The following VTCN1 variants were observed in gnomAD, a reference collection of about 807,000 sequenced individuals.
The protein encoded by VTCN1 is V-set domain-containing T-cell activation inhibitor 1.
Under a neutral mutation model 26.5 loss-of-function variants are expected in VTCN1, and 26 were observed. The ratio of observed to expected loss-of-function variants is 0.98; its 90% CI spans 0.72 to 1.36. The LOEUF is 1.36. Among genes scored for constraint, VTCN1 ranks in the 40% most tolerant of loss-of-function variants. The pLI, the probability that VTCN1 is intolerant of heterozygous loss-of-function variation, is 0.00. For missense variants in VTCN1, 298 were observed against 337.7 expected (o/e 0.88, Z 0.92); for synonymous variants, 116 against 130.7 (o/e 0.89, Z 0.77).
In VTCN1 at chr1:117,187,309, C is replaced by CAAAA. The variant is rs11415949; in HGVS notation, c.33-17142_33-17139dup. ...TGGGTAACAGAGCAAGACCTTGTCTCAAAAAAAAAAAAAAAAAAAAAAAAG... is the reference window on the plus strand; with the variant it reads ...TGGGTAACAGAGCAAGACCTTGTCTCAAAAAAAAAAAAAAAAAAAAAAAAAAAAG... On this transcript the variant is annotated intron_variant, in intron 1 of 5. Coordinates refer to ENST00000369458, the MANE Select transcript of VTCN1 (RefSeq NM_024626.4). Among the ~76,000 whole-genome samples the CAAAA allele has an allele frequency of 1.6e-3, 120 of 73,206 alleles. 3 individuals are homozygous for CAAAA. The highest frequency in any genetic ancestry group is 6.1e-3 in the African/African-American group (112 of 18,442). 48.0% of individuals were successfully genotyped at this position (73,206 alleles called of 152,430 possible). A position where few individuals can be genotyped will look rare whatever the true frequency, so the allele number is the denominator to read the frequency against.
At chr1:117,165,755 A>G (rs12138143) in intron 2 of VTCN1, among the ~76,000 whole-genome samples, 1 of 152,236 alleles carries the variant, frequency 6.6e-6, no homozygotes, top group Admixed American at 6.5e-5. Context: ...ACCCAGTCTC[A>G]GGAATTTCTT....
chr1:117,175,434 G>A lies in VTCN1; in HGVS notation c.33-5263C>T, dbSNP rs948914092. On this transcript the variant is annotated intron_variant, in intron 1 of 5. Coordinates refer to ENST00000369458, the MANE Select transcript of VTCN1 (RefSeq NM_024626.4). This position sits in a 1 kb window ranked among gnomAD's most constrained non-coding sequence, Gnocchi z 4.2. Reference sequence around the variant, plus strand: ...GAAGCGGATGTGCAGCCTAGGACACGCAAGGGTAGGATGTACTTCTCTGGA... The same window carrying A: ...GAAGCGGATGTGCAGCCTAGGACACACAAGGGTAGGATGTACTTCTCTGGA... 6.6e-6 allele frequency among the ~76,000 whole-genome samples: 1 copy of A among 152,204 alleles called. No individual in the cohort carries two copies. Among genetic ancestry groups the A allele is most frequent in the African/African-American group, 2.4e-5 (1 of 41,458 alleles).
At chr1:117,204,123 T>C (rs1056363659) in intron 1 of VTCN1, among the ~76,000 whole-genome samples, 4 of 152,212 alleles carry the variant, frequency 2.6e-5, no homozygotes, top group African/African-American at 9.7e-5. Context: ...GTTGGACTTG[T>C]CATTCCTCTC....
intron 1 of VTCN1, among the ~76,000 whole-genome samples, chr1:117,193,788 A>G (rs1381588994): frequency 6.6e-6 from 1 of 152,214 alleles, no homozygotes; most frequent in Admixed American, 6.5e-5. Flanking sequence ...CAGCAGCAGC[A>G]ATAAATGGTA....
At position 117,147,349 on chromosome 1, in the gene VTCN1, G is replaced by A. The variant is rs543268249; in HGVS notation, c.*45+264C>T. On this transcript the variant is annotated intron_variant, in intron 5 of 5. Transcript: ENST00000369458. The surrounding 1 kb of genome is among the most constrained non-coding windows in gnomAD (Gnocchi z 4.6). ...TTCAATAAGTTATTTTGCCTTCATT[G>A]ATGACTGAGTAACTTAAAAGGTATT... Among the ~76,000 whole-genome samples the A allele has an allele frequency of 5.9e-5, 9 of 152,284 alleles. No homozygotes were observed. The highest frequency in any genetic ancestry group is 2.2e-4 in the African/African-American group (9 of 41,576).
In VTCN1 at chr1:117,147,508, A is replaced by G; in HGVS notation, c.*45+105T>C. ...GAAATAATGTCACAGCCCTGGTGTC[A>G]TTAAATGTTTCTTTCTGTGGCTGAT... On this transcript the variant is annotated intron_variant, in intron 5 of 5. Coordinates refer to ENST00000369458, the MANE Select transcript of VTCN1 (RefSeq NM_024626.4). This position sits in a 1 kb window ranked among gnomAD's most constrained non-coding sequence, Gnocchi z 4.6. 1.0e-6 allele frequency: 1 copy of G among 960,008 alleles called. No individual in the cohort carries two copies. The highest frequency in any genetic ancestry group is 1.6e-5 in the African/African-American group (1 of 61,528). The allele number at this position is 960,008 out of a possible 1,614,324, so 59.5% of individuals were successfully genotyped here. A position where few individuals can be genotyped will look rare whatever the true frequency, so the allele number is the denominator to read the frequency against.
chr1:117,151,492 G>T (rs1257836324), intron 4 of VTCN1, among the ~76,000 whole-genome samples: 5 of 152,126 alleles, frequency 3.3e-5, no homozygotes, highest in African/African-American at 9.7e-5. Context: ...TGGCTCCAGT[G>T]GCCAGCTTTT....
chr1:117,156,247 G>A (rs535922333), intron 3 of VTCN1, among the ~76,000 whole-genome samples: 48 of 152,302 alleles, frequency 3.2e-4, no homozygotes, highest in South Asian at 8.3e-4. Context: ...TCTACTTAGC[G>A]TGGAAATGTC....
chr1:117,162,131 A>G lies in VTCN1; in HGVS notation c.98-5210T>C, dbSNP rs180924548. ...CATTAATGATGTGGCAGATGGAATG[A>G]GTGTAATGTTGATTAAATCCCCTCC... is the stretch of plus-strand genomic sequence containing the variant. On this transcript the variant is annotated intron_variant, in intron 2 of 5. Transcript: ENST00000369458. 3.7e-3 allele frequency among the ~76,000 whole-genome samples: 563 copies of G among 152,306 alleles called. 5 individuals carry two copies. The highest frequency in any genetic ancestry group is 0.013 in the African/African-American group (530 of 41,556).
At chr1:117,206,874 T>C (rs1231246825) in intron 1 of VTCN1, among the ~76,000 whole-genome samples, 1 of 152,188 alleles carries the variant, frequency 6.6e-6, no homozygotes, top group Non-Finnish European at 1.5e-5. Context: ...CCTATTTAAG[T>C]CTTTCTTCCA....
intron 1 of VTCN1, among the ~76,000 whole-genome samples, chr1:117,185,245 C>G (rs555119024): frequency 1.3e-5 from 2 of 152,192 alleles, no homozygotes; most frequent in East Asian, 3.9e-4. Flanking sequence ...CAGGAAAGAC[C>G]AAGTTGTGGC....
At chr1:117,194,084 C>T in intron 1 of VTCN1, among the ~76,000 whole-genome samples, 1 of 151,922 alleles carries the variant, frequency 6.6e-6, no homozygotes, top group African/African-American at 2.4e-5. Context: ...AACAGGCAAC[C>T]TAAAGAATAG....
intron 1 of VTCN1, among the ~76,000 whole-genome samples, chr1:117,207,840 T>C (rs185396076): frequency 6.6e-6 from 1 of 152,286 alleles, no homozygotes. Flanking sequence ...TATCACCAGT[T>C]TTAAGTCCAG....
At chr1:117,151,565 T>A (rs899853377) in intron 4 of VTCN1, among the ~76,000 whole-genome samples, 1 of 152,126 alleles carries the variant, frequency 6.6e-6, no homozygotes, top group African/African-American at 2.4e-5. Flanking sequence ...CGCTGATTGG[T>A]CCATTTTACA....
intron 1 of VTCN1, 46 bp from the exon 2 acceptor site, chr1:117,170,217 T>C (rs1407913505): frequency 1.3e-6 from 2 of 1,571,084 alleles, no homozygotes; most frequent in Non-Finnish European, 1.7e-6. Flanking sequence ...TCCATTCCTC[T>C]TGATGTGCTG....
chr1:117,197,257 A>C (rs1440790909), intron 1 of VTCN1, among the ~76,000 whole-genome samples: 1 of 152,214 alleles, frequency 6.6e-6, no homozygotes, highest in Non-Finnish European at 1.5e-5. Context: ...ATCAATGTAG[A>C]AATATGAGAA....
intron 1 of VTCN1, chr1:117,203,799 G>C (rs548335234): frequency 2.0e-6 from 2 of 985,308 alleles, no homozygotes; most frequent in East Asian, 2.3e-4. Flanking sequence ...CTAATACAGA[G>C]AATCACCTGG....
At chr1:117,192,159 C>T (rs573910663) in intron 1 of VTCN1, among the ~76,000 whole-genome samples, 6 of 152,176 alleles carry the variant, frequency 3.9e-5, no homozygotes, top group African/African-American at 1.2e-4. Flanking sequence ...AAAAAACAGG[C>T]TTGTCACATA....
chr1:117,153,337 T>C lies in VTCN1; in HGVS notation c.478A>G (p.Asn160Asp). The change falls in exon 4 of 6, where the codon AAT becomes GAT. Residue 160 changes from asparagine to aspartate, a missense_variant. Transcript: ENST00000369458. ...CACCGCAAGGTCTCTGAGCTGGCATTATAGTCCACATTCACTTCCGGCATG... is the reference window on the plus strand; with the variant it reads ...CACCGCAAGGTCTCTGAGCTGGCATCATAGTCCACATTCACTTCCGGCATG... ...FSMPEVNVDY[N>D]ASSETLRCEA... 1.2e-6 allele frequency: 2 copies of C among 1,612,364 alleles called. No individual in the cohort carries two copies. The highest frequency in any genetic ancestry group is 1.7e-4 in the Middle Eastern group (1 of 6,052).
Sources: gnomAD v4.1 joint callset for allele counts (sites outside exome capture counted in the v4.1 genomes callset) on GRCh38, gnomAD v4.1.1 for gene constraint, Gnocchi (gnomAD v3.1) non-coding constraint, MANE v1.5 for transcripts, NCBI Gene and HGNC (gene_info 2026-07-23, HGNC 2026-07-21) for gene names.